The following SBK1 variants were observed in gnomAD, a reference collection of about 807,000 sequenced individuals.
SBK1 encodes the protein serine/threonine-protein kinase SBK1.
SBK1 carries 11 observed loss-of-function variants against 24.4 expected under a neutral mutation model. That is an observed-to-expected ratio of 0.45 (90% confidence interval 0.28 to 0.75). The LOEUF is 0.75. Ranked by LOEUF, SBK1 falls within the 30% of genes least tolerant of loss-of-function variation. The pLI, the probability that SBK1 is intolerant of heterozygous loss-of-function variation, is 0.12. For missense variants in SBK1, 467 were observed against 620.5 expected (o/e 0.75, Z 2.63); for synonymous variants, 308 against 284.4 (o/e 1.08, Z -0.83).
Position 28,262,101 on chromosome 16 carries a change from C to G in SBK1, c.257+2599C>G, listed in dbSNP as rs147534738. ...GATGTGTCCGCCCAGGCTGCAGGAG[C>G]CAGTGCTGGCTGGGGAGGGTGGGAC... On this transcript the variant is annotated intron_variant, in intron 1 of 3. Coordinates refer to the SBK1 transcript ENST00000671413. Among the ~76,000 whole-genome samples, 854 of 152,278 alleles carry G rather than the reference C, an allele frequency of 5.6e-3. 5 individuals are homozygous for G. The highest frequency in any genetic ancestry group is 0.02 in the African/African-American group (811 of 41,538).
chr16:28,274,401 G>C (rs781107938), intron 1 of SBK1, among the ~76,000 whole-genome samples: 62 of 152,278 alleles, frequency 4.1e-4, no homozygotes, highest in African/African-American at 1.4e-4. Flanking sequence ...TGTAATCCCA[G>C]CACTTTGGGA....
At chr16:28,275,893 G>A (rs1262725266) in intron 1 of SBK1, among the ~76,000 whole-genome samples, 1 of 149,944 alleles carries the variant, frequency 6.7e-6, no homozygotes, top group African/African-American at 2.5e-5. Context: ...TCAAAAAAAA[G>A]GAAGGAAGGA....
intron 1 of SBK1, among the ~76,000 whole-genome samples, chr16:28,303,466 C>A (rs186216744): frequency 6.9e-6 from 1 of 145,490 alleles, no homozygotes; most frequent in Non-Finnish European, 1.5e-5. Flanking sequence ...CCTGTTCTTA[C>A]TTCTCACTAT....
intron 1 of SBK1, among the ~76,000 whole-genome samples, chr16:28,303,507 C>CTTTTCTTTTTT (rs2044693971): frequency 1.7e-5 from 1 of 58,078 alleles, no homozygotes; most frequent in African/African-American, 7.2e-5. Flanking sequence ...CTTTTCTTTT[C>CTTTTCTTTTTT]TTTTTTTTTT....
At chr16:28,301,358 A>T (rs1434575241) in intron 1 of SBK1, among the ~76,000 whole-genome samples, 1 of 152,230 alleles carries the variant, frequency 6.6e-6, no homozygotes, top group Non-Finnish European at 1.5e-5. Flanking sequence ...CAGCGTCACA[A>T]GCTATTAATA....
intron 1 of SBK1, among the ~76,000 whole-genome samples, chr16:28,270,406 A>AATTATTATT (rs59973055): frequency 0.028 from 4,063 of 145,990 alleles, 73 homozygotes; most frequent in South Asian, 0.077. Context: ...TTCAGCCTAG[A>AATTATTATT]ATTATTATTA....
At position 28,317,542 on chromosome 16, in the gene SBK1, A is replaced by C. The variant is rs755353218; in HGVS notation, c.151A>C (p.Lys51Gln). Residue 51 changes from lysine (K) to glutamine (Q), a missense_variant, in exon 2 of 4, where the codon AAG (lysine) becomes CAG (glutamine). Around this residue, in one of 4 missense-constraint regions of SBK1, gnomAD observed 123 missense variants for 158.2 expected, o/e 0.78. Transcript: ENST00000341901. This position sits in a 1 kb window ranked among gnomAD's most constrained non-coding sequence, Gnocchi z 4.2. Reference protein sequence around the residue: ...LRTLAASDVTKHYELVRELGK... With the variant: ...LRTLAASDVTQHYELVRELGK... ...CACACTGGCCGCCAGCGACGTCACC[A>C]AGCACTACGAACTAGTCCGGGAGCT... 6.2e-7 allele frequency: 1 copy of C among 1,614,196 alleles called. No homozygotes were observed. The highest frequency in any genetic ancestry group is 2.2e-5 in the East Asian group (1 of 44,872).
intron 1 of SBK1, among the ~76,000 whole-genome samples, chr16:28,276,403 C>A (rs2044494045): frequency 6.6e-6 from 1 of 152,172 alleles, no homozygotes; most frequent in African/African-American, 2.4e-5. Flanking sequence ...GAGTGCCTCT[C>A]CAAGACCCGC....
rs373304445 is a variant in SBK1, at chr16:28,293,147, C to T, written c.-161C>T. 5.1e-6 allele frequency: 5 copies of T among 985,744 alleles called. No individual in the cohort carries two copies. The highest frequency in any genetic ancestry group is 6.0e-6 in the Non-Finnish European group (5 of 830,112). The allele number at this position is 985,744 out of a possible 1,614,324, so 61.1% of individuals were successfully genotyped here. A position where few individuals can be genotyped will look rare whatever the true frequency, so the allele number is the denominator to read the frequency against. ...AGCAAGAAGCCTCGGGGATCCCCCC[C>T]CTAAAGCTCCAGGACTTGGGCGACT... On this transcript the variant is annotated 5_prime_UTR_variant, in exon 1 of 4. Coordinates refer to ENST00000341901, the MANE Select transcript of SBK1 (RefSeq NM_001024401.3).
chr16:28,291,414 G>A (rs1186126335), upstream of SBK1: 1 of 151,926 alleles, frequency 6.6e-6, no homozygotes, highest in African/African-American at 2.4e-5. Context: ...GCTAAATGAC[G>A]AGTTAATGGG....
chr16:28,278,660 T>C (rs2044510166), intron 1 of SBK1, among the ~76,000 whole-genome samples: 1 of 152,218 alleles, frequency 6.6e-6, no homozygotes, highest in African/African-American at 2.4e-5. Context: ...TTTGAATTTG[T>C]AAGGGGAGTC....
intron 2 of SBK1, 21 bp from the exon 3 acceptor site, chr16:28,318,972 CCT>C: frequency 6.2e-7 from 1 of 1,602,978 alleles, no homozygotes; most frequent in Non-Finnish European, 8.5e-7. Context: ...GGGCTTCAAC[CCT>C]GTTGCTGTTG....
At position 28,320,106 on chromosome 16, in the gene SBK1, T is replaced by C; in HGVS notation, c.460T>C (p.Cys154Arg). Reference sequence around the variant, plus strand: ...GCTCCCTGAGGACACGGTGAAGCGCTGTGTGCAGCAGCTGGGCCTGGCGCT... The same window carrying C: ...GCTCCCTGAGGACACGGTGAAGCGCCGTGTGCAGCAGCTGGGCCTGGCGCT... ...VGLPEDTVKRCVQQLGLALDF... is the reference protein window; with the variant it reads ...VGLPEDTVKRRVQQLGLALDF... Residue 154 changes from cysteine (C) to arginine (R), a missense_variant, in exon 4 of 4, where the codon TGT becomes CGT. Coordinates refer to ENST00000341901, the MANE Select transcript of SBK1 (RefSeq NM_001024401.3). This position sits in a 1 kb window ranked among gnomAD's most constrained non-coding sequence, Gnocchi z 8.5. 1 of 1,554,298 alleles carries C rather than the reference T, an allele frequency of 6.4e-7. No individual in the cohort carries two copies. Among genetic ancestry groups the C allele is most frequent in the Non-Finnish European group, 8.7e-7 (1 of 1,155,476 alleles).
intron 2 of SBK1, 28 bp from the exon 3 acceptor site, chr16:28,318,967 T>C (rs763259988): frequency 6.3e-7 from 1 of 1,593,388 alleles, no homozygotes; most frequent in Non-Finnish European, 8.6e-7. Flanking sequence ...AGAGGGGGCT[T>C]CAACCCTGTT....
At chr16:28,298,966 A>C (rs566408630) in intron 1 of SBK1, among the ~76,000 whole-genome samples, 2 of 152,334 alleles carry the variant, frequency 1.3e-5, no homozygotes, top group Non-Finnish European at 2.9e-5. Flanking sequence ...TTACCTATCC[A>C]TGAGCATAAT....
At chr16:28,301,809 G>A (rs749674564) in intron 1 of SBK1, among the ~76,000 whole-genome samples, 26 of 152,220 alleles carry the variant, frequency 1.7e-4, no homozygotes, top group Non-Finnish European at 3.4e-4. Context: ...TGTTAAATGA[G>A]CATTCTCAGC....
Position 28,323,076 on chromosome 16 carries a change from T to C in SBK1, c.*2155T>C, listed in dbSNP as rs1301677830. On this transcript the variant is annotated 3_prime_UTR_variant, in exon 4 of 4. Transcript: ENST00000341901. ...GTATGTTAGAGTTGGGAGGGGACCA[T>C]AGTTATGTAGCCCAGCCCCCTCATT... is the stretch of plus-strand genomic sequence containing the variant. The C allele has an allele frequency of 7.1e-6, 1 of 140,376 alleles. No individual in the cohort carries two copies. The highest frequency in any genetic ancestry group is 1.5e-5 in the Non-Finnish European group (1 of 65,434). The allele number at this position is 140,376 out of a possible 1,614,324, so 8.7% of individuals were successfully genotyped here.
chr16:28,294,548 G>A (rs778147368), intron 1 of SBK1, among the ~76,000 whole-genome samples: 6 of 152,172 alleles, frequency 3.9e-5, no homozygotes, highest in Non-Finnish European at 7.3e-5. Context: ...CTCCTTTCTT[G>A]ATGTCTCCTG....
chr16:28,260,124 GAGAC>G (rs1003374127), intron 1 of SBK1, among the ~76,000 whole-genome samples: 5 of 152,050 alleles, frequency 3.3e-5, no homozygotes, highest in African/African-American at 9.7e-5. Flanking sequence ...GAGAGGGAGA[GAGAC>G]AGAATGGTTT....
Sources: gnomAD v4.1 joint callset for allele counts (sites outside exome capture counted in the v4.1 genomes callset) on GRCh38, gnomAD v4.1.1 for gene constraint, gnomAD v4.1.1 regional missense constraint, Gnocchi (gnomAD v3.1) non-coding constraint, MANE v1.5 for transcripts, NCBI Gene and HGNC (gene_info 2026-07-23, HGNC 2026-07-21) for gene names.